Variants in PTCD3 observed in about 807,000 individuals in gnomAD.
The protein encoded by PTCD3 is pentatricopeptide repeat domain 3.
In PTCD3, 89 loss-of-function variants were observed where a neutral mutation model predicts 101.9. That is an observed-to-expected ratio of 0.87 (90% confidence interval 0.74 to 1.04). The LOEUF (loss-of-function observed/expected upper bound fraction) is 1.04. Among genes scored for constraint, PTCD3 ranks in the 50% least tolerant of loss-of-function variants. The probability of loss-of-function intolerance (pLI) is 0.00; values close to 1 mark genes in which losing one functional copy is unlikely to be tolerated. For synonymous variants in PTCD3, 296 were observed against 278.5 expected (o/e 1.06, Z -0.63); for missense variants, 870 against 828.2 (o/e 1.05, Z -0.62).
rs1437322281 is a variant in PTCD3, at chr2:86,137,064, A to G, written c.1903A>G (p.Ser635Gly). The change falls in exon 23 of 24, where the codon AGT (serine) becomes GGT (glycine). Residue 635 changes from serine (S) to glycine (G), a missense_variant. Ser to Gly is a moderately conservative substitution (Grantham distance 56). Transcript: ENST00000254630. ...SQAIEVVELA[S>G]AFSLPICEGL... Reference sequence around the variant, plus strand: ...GGCCATTGAAGTAGTAGAGCTGGCAAGTGCCTTCAGCTTACCTATTTGTGA... The same window carrying G: ...GGCCATTGAAGTAGTAGAGCTGGCAGGTGCCTTCAGCTTACCTATTTGTGA... The G allele has an allele frequency of 6.2e-7, 1 of 1,613,752 alleles. No individual in the cohort carries two copies. Among genetic ancestry groups the G allele is most frequent in the Non-Finnish European group, 8.5e-7 (1 of 1,179,894 alleles).
In PTCD3 at chr2:86,140,358, G is replaced by A. The variant is rs1674662147; in HGVS notation, c.*2799G>A. 1 of 151,868 alleles carries A rather than the reference G, an allele frequency of 6.6e-6. No individual in the cohort carries two copies. The highest frequency in any genetic ancestry group is 1.5e-5 in the Non-Finnish European group (1 of 67,968). 9.4% of individuals were successfully genotyped at this position (151,868 alleles called of 1,614,324 possible). ...TATTCTCTAAGACAGGGTAGCATTT[G>A]TCTTTCAAACTGCAGGGTTTGAAAT... is the stretch of plus-strand genomic sequence containing the variant. On this transcript the variant is annotated 3_prime_UTR_variant, in exon 24 of 24. Coordinates refer to ENST00000254630, the MANE Select transcript of PTCD3 (RefSeq NM_017952.6).
intron 5 of PTCD3, 66 bp from the exon 6 acceptor site, chr2:86,116,989 T>C: frequency 1.4e-6 from 1 of 709,716 alleles, no homozygotes; most frequent in Non-Finnish European, 2.5e-6. Context: ...AAATTCTTGC[T>C]GAGAGTGTAA....
intron 20 of PTCD3, 62 bp from the exon 21 acceptor site, chr2:86,134,777 C>G: frequency 1.3e-6 from 2 of 1,571,602 alleles, no homozygotes; most frequent in South Asian, 1.1e-5. Flanking sequence ...CTGTGTTAGT[C>G]TCCTGAACTG....
rs1674540836 is a variant in PTCD3 at position 86,134,273 on chromosome 2, G to A, written c.1544-19G>A. 6.4e-7 allele frequency: 1 copy of A among 1,564,978 alleles called. No individual in the cohort carries two copies. Among genetic ancestry groups the A allele is most frequent in the Admixed American group, 1.7e-5 (1 of 59,646 alleles). ...TTTTACATAACAATGATCACTCCTT[G>A]TTCCTTTCTTGTTTCAAGATAGTAA... On this transcript the variant is annotated intron_variant, in intron 19 of 23. Transcript: ENST00000254630.
At position 86,141,809 on chromosome 2, in the gene PTCD3, AAAGGGTG is replaced by A. The variant is rs1490173168; in HGVS notation, c.*4254_*4260del. 1.3e-5 allele frequency: 2 copies of A among 152,198 alleles called. No homozygotes were observed. Among genetic ancestry groups the A allele is most frequent in the African/African-American group, 4.8e-5 (2 of 41,434 alleles). 9.4% of individuals were successfully genotyped at this position (152,198 alleles called of 1,614,324 possible). A position where few individuals can be genotyped will look rare whatever the true frequency, so the allele number is the denominator to read the frequency against. On this transcript the variant is annotated 3_prime_UTR_variant, in exon 24 of 24. Coordinates refer to ENST00000254630, the MANE Select transcript of PTCD3 (RefSeq NM_017952.6). ...TGACTTTTCACTTGCAGTTTAAATG[AAAGGGTG>A]AAGAGAAGCCTACCTGCCCTAATGG...
chr2:86,109,385 C>T (rs971428425), intron 3 of PTCD3, among the ~76,000 whole-genome samples: 2 of 144,402 alleles, frequency 1.4e-5, no homozygotes, highest in East Asian at 2.0e-4. Flanking sequence ...CCAGCCTGGG[C>T]GACAGAGCAA....
intron 19 of PTCD3, 22 bp from the exon 20 acceptor site, chr2:86,134,270 C>A: frequency 1.9e-6 from 3 of 1,539,658 alleles, no homozygotes; most frequent in Non-Finnish European, 1.8e-6. Flanking sequence ...ATGATCACTC[C>A]TTGTTCCTTT....
rs2104455959 is a variant in PTCD3, at chr2:86,124,991, C to G, written c.717-4C>G. ...TGGGTTCACATTTACTCTCTTGTGTCTAGAGCAAAAAACAACGCTGAGAGA... is the reference window on the plus strand; with the variant it reads ...TGGGTTCACATTTACTCTCTTGTGTGTAGAGCAAAAAACAACGCTGAGAGA... On this transcript the variant is annotated splice_polypyrimidine_tract_variant and splice_region_variant and intron_variant, in intron 9 of 23. Transcript: ENST00000254630. 6.2e-7 allele frequency: 1 copy of G among 1,613,704 alleles called. No individual in the cohort carries two copies. Among genetic ancestry groups the G allele is most frequent in the East Asian group, 2.2e-5 (1 of 44,864 alleles).
chr2:86,136,411 A>G, intron 21 of PTCD3, 110 bp from the exon 22 acceptor site: 2 of 1,044,344 alleles, frequency 1.9e-6, no homozygotes, highest in Admixed American at 3.7e-5. Flanking sequence ...AGCTTACAGT[A>G]TAGTTAAGAA....
rs1426948743 is a variant in PTCD3 at position 86,132,320 on chromosome 2, C to T, written c.1269C>T (p.Cys423=). 2 of 1,580,454 alleles carry T rather than the reference C, an allele frequency of 1.3e-6. No homozygotes were observed. The highest frequency in any genetic ancestry group is 2.7e-5 in the African/African-American group (2 of 74,130). The part of the protein sequence containing the change: ...DKFFQSAMSI[C]SSLRDLELAY... Reference sequence around the variant, plus strand: ...ACTTACTACTTGCATATTTTCAGTGCTCATCTCTCAGAGATCTAGAACTTG... The same window carrying T: ...ACTTACTACTTGCATATTTTCAGTGTTCATCTCTCAGAGATCTAGAACTTG... Residue 423 remains cysteine (C), a splice_region_variant and synonymous_variant, in exon 17 of 24, where the codon TGC becomes TGT. Coordinates refer to ENST00000254630, the MANE Select transcript of PTCD3 (RefSeq NM_017952.6).
Position 86,108,360 on chromosome 2 carries a change from G to T in PTCD3, c.115G>T (p.Gly39Cys), listed in dbSNP as rs1674003919. 1 of 1,608,386 alleles carries T rather than the reference G, an allele frequency of 6.2e-7. No homozygotes were observed. Among genetic ancestry groups the T allele is most frequent in the South Asian group, 1.1e-5 (1 of 89,896 alleles). ...EQARSCRFYS[G>C]SATLSKVEGT... is the part of the protein sequence containing the mutation. ...TTTGTTTTTTTGCAGATTTTATTCT[G>T]GTAGTGCAACCCTCTCAAAGGTTGA... Residue 39 changes from glycine to cysteine, a missense_variant, in exon 2 of 24, where the codon GGT becomes TGT. Coordinates refer to ENST00000254630, the MANE Select transcript of PTCD3 (RefSeq NM_017952.6).
chr2:86,134,709 T>G, intron 20 of PTCD3, 130 bp from the exon 21 acceptor site: 1 of 1,034,404 alleles, frequency 9.7e-7, no homozygotes, highest in Non-Finnish European at 1.4e-6. Flanking sequence ...AAATTACTTG[T>G]GTGCTATACA....
intron 14 of PTCD3, among the ~76,000 whole-genome samples, chr2:86,130,064 G>A (rs1304386814): frequency 6.6e-6 from 1 of 152,218 alleles, no homozygotes; most frequent in African/African-American, 2.4e-5. Context: ...CACTTTGGGA[G>A]GCCGAGGCGG....
In PTCD3 at chr2:86,137,107, T is replaced by G; in HGVS notation, c.1946T>G (p.Val649Gly). 1 of 1,595,618 alleles carries G rather than the reference T, an allele frequency of 6.3e-7. No individual in the cohort carries two copies. Among genetic ancestry groups the G allele is most frequent in the Non-Finnish European group, 8.5e-7 (1 of 1,172,446 alleles). ...ATTTGTGAGGGCCTCACCCAGAGAG[T>G]AATGAGTGATTTTGCAATCAACCAG... ...LPICEGLTQRVMSDFAINQEQ... is the reference protein window; with the variant it reads ...LPICEGLTQRGMSDFAINQEQ... The change falls in exon 23 of 24, where the codon GTA (valine) becomes GGA (glycine). Residue 649 changes from valine to glycine, a missense_variant. By Grantham distance (109) the Val-to-Gly change is moderately radical. Transcript: ENST00000254630.
Position 86,125,871 on chromosome 2 carries a change from TA to T in PTCD3, c.946del (p.Ile316TyrfsTer5). ...INEKFEEKWS[K>X]ILELLRHMVA... Reference sequence around the variant, plus strand: ...ATGAGAAATTTGAGGAAAAATGGAGTAAAATACTGGTAAGGAGGAATCCTCA... The same window carrying T: ...ATGAGAAATTTGAGGAAAAATGGAGTAAATACTGGTAAGGAGGAATCCTCA... On this transcript the variant is annotated frameshift_variant, in exon 12 of 24. Coordinates refer to ENST00000254630, the MANE Select transcript of PTCD3 (RefSeq NM_017952.6). LOFTEE classifies it high-confidence loss of function. 6.3e-7 allele frequency: 1 copy of T among 1,594,938 alleles called. No homozygotes were observed. Among genetic ancestry groups the T allele is most frequent in the South Asian group, 1.1e-5 (1 of 90,612 alleles).
rs953778881 is a variant in PTCD3 at position 86,139,718 on chromosome 2, C to G, written c.*2159C>G. 6.6e-6 allele frequency: 1 copy of G among 151,758 alleles called. No homozygotes were observed. The highest frequency in any genetic ancestry group is 1.9e-4 in the East Asian group (1 of 5,130). The allele number at this position is 151,758 out of a possible 1,614,324, so 9.4% of individuals were successfully genotyped here. A position where few individuals can be genotyped will look rare whatever the true frequency, so the allele number is the denominator to read the frequency against. The stretch of plus-strand genomic sequence containing the variant: ...CTCTGGAGACAGGTGGAGGGGATTG[C>G]TTGAGCCTGGGAAGCTGAGGCTGCA... On this transcript the variant is annotated 3_prime_UTR_variant, in exon 24 of 24. Transcript: ENST00000254630.
chr2:86,115,455 G>A (rs942841209), intron 4 of PTCD3, among the ~76,000 whole-genome samples: 1 of 152,090 alleles, frequency 6.6e-6, no homozygotes, highest in South Asian at 2.1e-4. Context: ...AAAAACTGAA[G>A]TTCACAACAG....
At position 86,118,298 on chromosome 2, in the gene PTCD3, T is replaced by C. The variant is rs183640401; in HGVS notation, c.415-623T>C. ...TTATGCAGTGTGGTGGGTATTGTGC[T>C]TAGTGCTTGTCCATACAGTGGTGAG... On this transcript the variant is annotated intron_variant, in intron 6 of 23. Transcript: ENST00000254630. Among the ~76,000 whole-genome samples, 37 of 152,336 alleles carry C rather than the reference T, an allele frequency of 2.4e-4. No homozygotes were observed. The East Asian group carries it at 6.6e-3, about 27-fold the overall frequency.
intron 8 of PTCD3, among the ~76,000 whole-genome samples, chr2:86,122,662 G>A (rs1674311390): frequency 6.6e-6 from 1 of 152,152 alleles, no homozygotes; most frequent in Non-Finnish European, 1.5e-5. Context: ...GGGCTCAGGT[G>A]ATCCTTCAGT....
Sources: gnomAD v4.1 joint callset for allele counts (sites outside exome capture counted in the v4.1 genomes callset) on GRCh38, gnomAD v4.1.1 for gene constraint, MANE v1.5 for transcripts, NCBI Gene and HGNC (gene_info 2026-07-23, HGNC 2026-07-21) for gene names.